KDM3B: variants seen among roughly 807,000 people sequenced by gnomAD.
The protein encoded by KDM3B is lysine demethylase 3B, also known as lysine-specific demethylase 3B.
KDM3B carries 10 observed loss-of-function variants against 170.0 expected under a neutral mutation model. The observed-to-expected ratio is 0.06, with a 90% CI of 0.04 to 0.10. The LOEUF (loss-of-function observed/expected upper bound fraction) is 0.10, where lower values mean the gene tolerates loss of function less well. Among genes scored for constraint, KDM3B ranks in the 10% least tolerant of loss-of-function variants. The pLI is 1.00. For synonymous variants in KDM3B, 831 were observed against 834.8 expected, an observed-to-expected ratio of 1.00 and a Z score of 0.08; for missense variants, 1,394 against 2,195.2, an observed-to-expected ratio of 0.64 and a Z score of 7.29.
At chr5:138,397,879 G>T in intron 9 of KDM3B, 1 of 196,338 alleles carries the variant, frequency 5.1e-6, no homozygotes, top group Non-Finnish European at 1.0e-5. Flanking sequence ...AAAAAAAATT[G>T]GAAAGTAGGT....
intron 3 of KDM3B, among the ~76,000 whole-genome samples, chr5:138,375,613 C>G (rs565976350): frequency 1.8e-4 from 27 of 152,076 alleles, no homozygotes; most frequent in African/African-American, 6.0e-4. Context: ...CTCCTGACCT[C>G]GTGATCCGCC....
At chr5:138,358,580 A>G (rs1361800308) in intron 1 of KDM3B, among the ~76,000 whole-genome samples, 1 of 149,638 alleles carries the variant, frequency 6.7e-6, no homozygotes, top group East Asian at 2.0e-4. Flanking sequence ...TGCTGGGATT[A>G]CAGTCATGAG....
At chr5:138,420,656 C>G in intron 14 of KDM3B, 50 bp from the exon 15 acceptor site, 1 of 1,599,050 alleles carries the variant, frequency 6.3e-7, no homozygotes, top group Non-Finnish European at 8.5e-7. Context: ...CAGTTGTGTG[C>G]TGATTATTCC....
chr5:138,413,888 G>C (rs967375241), intron 11 of KDM3B, among the ~76,000 whole-genome samples: 1 of 152,080 alleles, frequency 6.6e-6, no homozygotes, highest in Non-Finnish European at 1.5e-5. Context: ...CAAAGTGTTG[G>C]TATTACAGGT....
At chr5:138,379,801 T>C in intron 5 of KDM3B, 93 bp downstream of exon 5, 1 of 1,276,904 alleles carries the variant, frequency 7.8e-7, no homozygotes, top group Non-Finnish European at 1.1e-6. Flanking sequence ...TAAGATGACT[T>C]GGGTTTCATC....
intron 10 of KDM3B, 120 bp downstream of exon 10, chr5:138,398,512 G>A (rs142603715): frequency 5.4e-5 from 42 of 776,524 alleles, no homozygotes; most frequent in East Asian, 4.6e-4. Context: ...AATTAAGACC[G>A]ATAAGACTTC....
chr5:138,383,158 A>G, intron 6 of KDM3B, among the ~76,000 whole-genome samples: 1 of 149,090 alleles, frequency 6.7e-6, no homozygotes, highest in African/African-American at 2.5e-5. Context: ...TTTTTTTTTG[A>G]GATGGAGTCT....
At chr5:138,378,054 A>T (rs1221393767) in intron 4 of KDM3B, among the ~76,000 whole-genome samples, 4 of 151,962 alleles carry the variant, frequency 2.6e-5, no homozygotes, top group Non-Finnish European at 4.4e-5. Flanking sequence ...TCTCTCCATC[A>T]CTCACTCGTC....
chr5:138,398,207 G>T lies in KDM3B; in HGVS notation c.2861G>T (p.Arg954Leu), dbSNP rs746631093. 6.2e-7 allele frequency: 1 copy of T among 1,613,998 alleles called. No individual in the cohort carries two copies. Among genetic ancestry groups the T allele is most frequent in the Non-Finnish European group, 8.5e-7 (1 of 1,179,930 alleles). Residue 954 changes from arginine (R) to leucine (L), a missense_variant, in exon 10 of 24, where the codon CGT (arginine) becomes CTT (leucine). Around this residue, in one of 19 missense-constraint regions of KDM3B, gnomAD observed 76 missense variants for 190.2 expected, o/e 0.40. Coordinates refer to ENST00000314358, the MANE Select transcript of KDM3B (RefSeq NM_016604.4). ...RLIFTRKGVL[R>L]VEGFLSPQQS... ...ATCTTCACTCGAAAAGGGGTACTCC[G>T]TGTGGAGGGGTTTTTAAGCCCCCAG...
Position 138,424,234 on chromosome 5 carries a change from C to A in KDM3B, c.4132C>A (p.Pro1378Thr). 1.2e-6 allele frequency: 2 copies of A among 1,614,114 alleles called. No homozygotes were observed. The highest frequency in any genetic ancestry group is 1.7e-6 in the Non-Finnish European group (2 of 1,179,978). The change falls in exon 16 of 24, where the codon CCC (proline) becomes ACC (threonine). Residue 1378 changes from proline to threonine, a missense_variant. By Grantham distance (38) the Pro-to-Thr change is conservative (BLOSUM62 -1). This residue lies in a region of KDM3B where 137 missense variants were observed against 166.9 expected (regional missense o/e 0.82). Transcript: ENST00000314358. ...GGTGATGGGGTTAAATGTGCTAGATCCCCATACTTCTCACTCCTGGCTTTG... is the reference window on the plus strand; with the variant it reads ...GGTGATGGGGTTAAATGTGCTAGATACCCATACTTCTCACTCCTGGCTTTG... ...EMVMGLNVLD[P>T]HTSHSWLCDG...
At chr5:138,402,353 A>T (rs993038408) in intron 11 of KDM3B, among the ~76,000 whole-genome samples, 2 of 152,198 alleles carry the variant, frequency 1.3e-5, no homozygotes, top group Non-Finnish European at 2.9e-5. Context: ...TCGGAGGTAT[A>T]ATATAACCAT....
In KDM3B at chr5:138,398,349, C is replaced by T. The variant is rs141260024; in HGVS notation, c.3003C>T (p.Leu1001=). ...ATGTTGGGGACCAGTTCTGCCAGCT[C>T]GTAATGTCTGAGAAGGAGGCCATGA... ...LANVGDQFCQ[L]VMSEKEAMMM... The change falls in exon 10 of 24, where the codon CTC becomes CTT. Residue 1001 remains leucine, a synonymous_variant. Coordinates refer to ENST00000314358, the MANE Select transcript of KDM3B (RefSeq NM_016604.4). 2.4e-4 allele frequency: 394 copies of T among 1,614,010 alleles called. 1 individual carries two copies. Among genetic ancestry groups the T allele is most frequent in the Admixed American group, 9.5e-4 (57 of 59,988 alleles).
chr5:138,433,710 A>C (rs1240108108), intron 23 of KDM3B, among the ~76,000 whole-genome samples: 1 of 151,608 alleles, frequency 6.6e-6, no homozygotes. Context: ...CACCCAGCCA[A>C]CCATAGTTTT....
chr5:138,372,252 A>G (rs1209335038), intron 1 of KDM3B, among the ~76,000 whole-genome samples: 3 of 152,214 alleles, frequency 2.0e-5, no homozygotes, highest in Non-Finnish European at 2.9e-5. Context: ...ATTTCAATAG[A>G]AGTATTAAAA....
At chr5:138,377,120 C>T (rs937347075) in intron 3 of KDM3B, among the ~76,000 whole-genome samples, 6 of 152,152 alleles carry the variant, frequency 3.9e-5, no homozygotes, top group Non-Finnish European at 7.4e-5. Context: ...CTTCCTCGCT[C>T]GTTAGGCCTC....
intron 23 of KDM3B, 66 bp from the exon 24 acceptor site, chr5:138,435,554 A>C (rs1261351667): frequency 3.9e-6 from 5 of 1,269,934 alleles, no homozygotes; most frequent in Non-Finnish European, 5.7e-6. Flanking sequence ...GTAGGCTTAC[A>C]GTCAAGGTAG....
intron 1 of KDM3B, among the ~76,000 whole-genome samples, chr5:138,360,416 T>A (rs1167316671): frequency 1.3e-5 from 2 of 152,176 alleles, no homozygotes; most frequent in African/African-American, 4.8e-5. Flanking sequence ...ACACTCATCA[T>A]CTTAACTCTC....
At chr5:138,362,026 A>G (rs1218679257) in intron 1 of KDM3B, among the ~76,000 whole-genome samples, 3 of 152,136 alleles carry the variant, frequency 2.0e-5, no homozygotes, top group Admixed American at 6.5e-5. Context: ...ACATCCTCCA[A>G]AAGGAACTCT....
intron 3 of KDM3B, among the ~76,000 whole-genome samples, chr5:138,377,252 T>C (rs1241497091): frequency 6.6e-6 from 1 of 152,256 alleles, no homozygotes; most frequent in Non-Finnish European, 1.5e-5. Flanking sequence ...ATACAATGTT[T>C]TATGGTCAGA....
Sources: gnomAD v4.1 joint callset for allele counts (sites outside exome capture counted in the v4.1 genomes callset) on GRCh38, gnomAD v4.1.1 for gene constraint, gnomAD v4.1.1 regional missense constraint, MANE v1.5 for transcripts, NCBI Gene and HGNC (gene_info 2026-07-23, HGNC 2026-07-21) for gene names.